The following TSPAN16 variants were observed in gnomAD, a reference collection of about 807,000 sequenced individuals.
TSPAN16 encodes tetraspanin 16, also known as tetraspanin-16.
In TSPAN16, 23 loss-of-function variants were observed where a neutral mutation model predicts 25.2. That is an observed-to-expected ratio of 0.91 (90% CI 0.66 to 1.29). The LOEUF (loss-of-function observed/expected upper bound fraction) is 1.29, where lower values mean the gene tolerates loss of function less well. TSPAN16 is among the 50% of genes most tolerant of loss of function. The probability of loss-of-function intolerance (pLI) is 0.00; values close to 1 mark genes in which losing one functional copy is unlikely to be tolerated. For synonymous variants in TSPAN16, 123 were observed against 124.4 expected (o/e 0.99, Z 0.08); for missense variants, 272 against 299.9 (o/e 0.91, Z 0.69).
At chr19:11,303,597 A>C (rs944226665) in intron 4 of TSPAN16, among the ~76,000 whole-genome samples, 10 of 143,616 alleles carry the variant, frequency 7.0e-5, no homozygotes, top group Non-Finnish European at 1.4e-4. Flanking sequence ...AAAAAAAAAA[A>C]CTCCTGGCCT....
Position 11,312,197 on chromosome 19 carries a change from GCTCT to G in TSPAN16, c.665_668del (p.Ser222TrpfsTer5), listed in dbSNP as rs750130951. On this transcript the variant is annotated frameshift_variant, in exon 6 of 7. Coordinates refer to ENST00000590327, the MANE Select transcript of TSPAN16 (RefSeq NM_001282509.2). LOFTEE classifies it high-confidence loss of function. ...ACTCAGAGCTTCACCCTGAGTGGGA[GCTCT>G]CTGGGAGCTGCAGTGATACAGGTAA... 1.2e-6 allele frequency: 2 copies of G among 1,612,334 alleles called. No individual in the cohort carries two copies. The highest frequency in any genetic ancestry group is 2.2e-5 in the South Asian group (2 of 90,824).
At chr19:11,299,578 G>A (rs2080519605) in intron 3 of TSPAN16, among the ~76,000 whole-genome samples, 1 of 152,170 alleles carries the variant, frequency 6.6e-6, no homozygotes, top group South Asian at 2.1e-4. Flanking sequence ...CCATCCAAAT[G>A]ACAAAAGCTT....
At chr19:11,311,468 T>C (rs2080691746) in intron 5 of TSPAN16, among the ~76,000 whole-genome samples, 2 of 152,172 alleles carry the variant, frequency 1.3e-5, no homozygotes, top group African/African-American at 2.4e-5. Context: ...TATTGCTGTG[T>C]CCCCTGGGCT....
Position 11,298,947 on chromosome 19 carries a change from G to GT in TSPAN16, c.342+2dup. 1.9e-6 allele frequency: 3 copies of GT among 1,613,614 alleles called. No individual in the cohort carries two copies. The highest frequency in any genetic ancestry group is 2.5e-6 in the Non-Finnish European group (3 of 1,179,688). On this transcript the variant is annotated splice_donor_variant, in intron 3 of 6. Transcript: ENST00000590327. LOFTEE classifies it high-confidence loss of function. Reference sequence around the variant, plus strand: ...AGTGGTCCTTCTTTTCTTTCCAATTGTAAGTACAGCCCTGCTCCTCCCACA... The same window carrying GT: ...AGTGGTCCTTCTTTTCTTTCCAATTGTTAAGTACAGCCCTGCTCCTCCCACA...
At chr19:11,311,205 G>A (rs2080687679) in intron 5 of TSPAN16, among the ~76,000 whole-genome samples, 1 of 152,226 alleles carries the variant, frequency 6.6e-6, no homozygotes, top group Admixed American at 6.5e-5. Flanking sequence ...GTACAATCTC[G>A]GCTCACTACA....
At chr19:11,310,372 G>A (rs150588238) in intron 5 of TSPAN16, among the ~76,000 whole-genome samples, 124 of 151,924 alleles carry the variant, frequency 8.2e-4, no homozygotes, top group African/African-American at 2.7e-3. Context: ...AAAATTAGCC[G>A]GGCGTGGTGG....
chr19:11,302,968 T>G (rs2080580517), intron 4 of TSPAN16, among the ~76,000 whole-genome samples: 1 of 149,196 alleles, frequency 6.7e-6, no homozygotes, highest in South Asian at 2.1e-4. Context: ...AGCCGCCCCG[T>G]CCGGGAGGTG....
chr19:11,302,747 C>G (rs1174009530), intron 4 of TSPAN16, among the ~76,000 whole-genome samples: 6 of 150,088 alleles, frequency 4.0e-5, no homozygotes, highest in Admixed American at 6.7e-5. Context: ...GAGACAGGAT[C>G]TCACTCTGTT....
intron 4 of TSPAN16, among the ~76,000 whole-genome samples, chr19:11,306,325 C>T (rs2080625765): frequency 6.6e-6 from 1 of 151,950 alleles, no homozygotes; most frequent in South Asian, 2.1e-4. Context: ...TCCTGAGTAG[C>T]TGGGAATACC....
At chr19:11,302,660 CATAT>C (rs772111584) in intron 4 of TSPAN16, among the ~76,000 whole-genome samples, 81 of 97,832 alleles carry the variant, frequency 8.3e-4, no homozygotes, top group East Asian at 1.7e-3. Flanking sequence ...TATACACATA[CATAT>C]ATATATATAT....
intron 4 of TSPAN16, 111 bp downstream of exon 4, chr19:11,301,419 C>T (rs926431364): frequency 1.1e-5 from 8 of 708,540 alleles, no homozygotes; most frequent in Admixed American, 4.7e-5. Flanking sequence ...GTGGGAGGAT[C>T]ACTTGAGGTC....
chr19:11,300,251 T>A (rs564089636), intron 3 of TSPAN16, among the ~76,000 whole-genome samples: 3 of 152,238 alleles, frequency 2.0e-5, no homozygotes, highest in Admixed American at 2.0e-4. Flanking sequence ...AGAAAACACC[T>A]GCAGGGGACA....
chr19:11,310,981 G>A (rs996640436), intron 5 of TSPAN16, among the ~76,000 whole-genome samples: 1 of 151,950 alleles, frequency 6.6e-6, no homozygotes, highest in African/African-American at 2.4e-5. Context: ...GGGACTACAG[G>A]CACATACCAC....
At chr19:11,312,322 T>TAA (rs56982210) in intron 6 of TSPAN16, 100 bp downstream of exon 6, 108 of 308,056 alleles carry the variant, frequency 3.5e-4, no homozygotes, top group Non-Finnish European at 4.3e-4. Flanking sequence ...TGAACAAAAC[T>TAA]AAAAAAAAAA....
intron 1 of TSPAN16, among the ~76,000 whole-genome samples, chr19:11,297,184 C>T (rs946485069): frequency 3.3e-5 from 5 of 152,084 alleles, no homozygotes; most frequent in Non-Finnish European, 4.4e-5. Flanking sequence ...GAATTAAGGC[C>T]GGCTGTGGTG....
At chr19:11,314,973 C>T (rs1317823202) in intron 6 of TSPAN16, among the ~76,000 whole-genome samples, 1 of 152,052 alleles carries the variant, frequency 6.6e-6, no homozygotes, top group African/African-American at 2.4e-5. Context: ...CGGTAGTTCA[C>T]GCCTGTAATC....
chr19:11,297,200 T>A (rs944448975), intron 1 of TSPAN16, among the ~76,000 whole-genome samples: 2 of 152,206 alleles, frequency 1.3e-5, no homozygotes, highest in African/African-American at 4.8e-5. Context: ...TGGTGACTCA[T>A]GCCTGTAATC....
chr19:11,309,559 T>C (rs1441874378), intron 5 of TSPAN16, among the ~76,000 whole-genome samples: 3 of 152,248 alleles, frequency 2.0e-5, no homozygotes, highest in African/African-American at 4.8e-5. Flanking sequence ...TTTACTCAAC[T>C]GGCACTTTCT....
intron 4 of TSPAN16, among the ~76,000 whole-genome samples, chr19:11,303,007 T>C (rs1316802376): frequency 1.3e-5 from 2 of 149,716 alleles, no homozygotes; most frequent in Non-Finnish European, 3.0e-5. Context: ...CCGCCCCTAC[T>C]GGGAAGTGAG....
Sources: allele counts gnomAD v4.1 joint callset (sites outside exome capture counted in the v4.1 genomes callset), GRCh38; gene constraint gnomAD v4.1.1; transcripts MANE v1.5; gene names NCBI Gene and HGNC (gene_info 2026-07-23, HGNC 2026-07-21).